Variants in LARP1B observed in about 807,000 individuals in gnomAD.
LARP1B encodes la-related protein 1B.
A neutral mutation model predicts 114.2 loss-of-function variants in LARP1B; 76 were observed. That is an observed-to-expected ratio of 0.67 (90% CI 0.55 to 0.81). The LOEUF (loss-of-function observed/expected upper bound fraction) is 0.81. Ranked by LOEUF, LARP1B falls within the 30% of genes least tolerant of loss-of-function variation. The pLI, the probability that LARP1B is intolerant of heterozygous loss-of-function variation, is 0.00. For missense variants in LARP1B, 1,014 were observed against 1,075.8 expected, an observed-to-expected ratio of 0.94 and a Z score of 0.80; for synonymous variants, 345 against 348.0, an observed-to-expected ratio of 0.99 and a Z score of 0.10.
chr4:128,173,840 A>C (rs1167177150), intron 12 of LARP1B, among the ~76,000 whole-genome samples: 1 of 152,170 alleles, frequency 6.6e-6, no homozygotes, highest in Non-Finnish European at 1.5e-5. Context: ...TAGATGTATA[A>C]AATTGTATAC....
chr4:128,121,354 G>A (rs1250673194), intron 10 of LARP1B, among the ~76,000 whole-genome samples: 1 of 152,168 alleles, frequency 6.6e-6, no homozygotes, highest in African/African-American at 2.4e-5. Context: ...TTTCGCTCTT[G>A]TCGCCCAGGC....
At chr4:128,156,187 A>G in intron 11 of LARP1B, 1 of 1,607,686 alleles carries the variant, frequency 6.2e-7, no homozygotes, top group East Asian at 2.2e-5. Context: ...TGGCTCTCCA[A>G]CCCTCCTCGC....
chr4:128,193,006 A>G (rs1366816274), intron 15 of LARP1B, among the ~76,000 whole-genome samples: 1 of 152,028 alleles, frequency 6.6e-6, no homozygotes, highest in Non-Finnish European at 1.5e-5. Context: ...AATTTTTAAA[A>G]AAATTTTTGT....
chr4:128,176,036 AT>A lies in LARP1B; in HGVS notation c.1649-831del, dbSNP rs1464295243. Reference sequence around the variant, plus strand: ...TTCACAAAGGTACTGGATTTAACACATTTTTCAGTATATGTTCATGTTTTTA... The same window carrying A: ...TTCACAAAGGTACTGGATTTAACACATTTTCAGTATATGTTCATGTTTTTA... On this transcript the variant is annotated intron_variant, in intron 12 of 19. Transcript: ENST00000326639. Among the ~76,000 whole-genome samples the A allele has an allele frequency of 2.0e-5, 3 of 149,184 alleles. No individual in the cohort carries two copies. The East Asian group carries it at 5.9e-4, about 29-fold the overall frequency.
intron 15 of LARP1B, among the ~76,000 whole-genome samples, chr4:128,196,654 G>C (rs1452256391): frequency 1.3e-5 from 2 of 151,786 alleles, no homozygotes; most frequent in African/African-American, 4.8e-5. Flanking sequence ...GAGTGCAGTG[G>C]TGCAATCTCG....
At chr4:128,061,608 C>T (rs1760133230) in intron 1 of LARP1B, 1 of 896,738 alleles carries the variant, frequency 1.1e-6, no homozygotes, top group African/African-American at 1.8e-5. Flanking sequence ...CCAGTTGGAG[C>T]CGGCCGGTGT....
chr4:128,196,916 CATT>C (rs1322415312), intron 15 of LARP1B, among the ~76,000 whole-genome samples: 1 of 152,086 alleles, frequency 6.6e-6, no homozygotes, highest in Non-Finnish European at 1.5e-5. Flanking sequence ...GCTTTGAAAA[CATT>C]ATGCTTAATG....
intron 12 of LARP1B, among the ~76,000 whole-genome samples, chr4:128,170,351 C>A (rs1743030705): frequency 6.6e-6 from 1 of 152,076 alleles, no homozygotes; most frequent in Non-Finnish European, 1.5e-5. Flanking sequence ...CTGTTCAATT[C>A]AGTTGGTTAA....
chr4:128,180,651 C>G (rs1748018908), intron 15 of LARP1B, among the ~76,000 whole-genome samples: 1 of 152,034 alleles, frequency 6.6e-6, no homozygotes, highest in African/African-American at 2.4e-5. Flanking sequence ...TTTAATTTAC[C>G]TAATGAAGGA....
rs764020198 is a variant in LARP1B, at chr4:128,210,374, TC to T, written c.*323del. On this transcript the variant is annotated 3_prime_UTR_variant, in exon 20 of 20. Transcript: ENST00000326639. ...AGCCATGGTTTTACAAAAACAGCAT[TC>T]CTTAAATATATTTAAAAAACAATAC... is the stretch of plus-strand genomic sequence containing the variant. The T allele has an allele frequency of 5.9e-4, 638 of 1,090,588 alleles. 1 individual carries two copies. The highest frequency in any genetic ancestry group is 1.7e-3 in the Admixed American group (36 of 21,542). 67.6% of individuals were successfully genotyped at this position (1,090,588 alleles called of 1,614,324 possible).
chr4:128,077,887 C>A lies in LARP1B; in HGVS notation c.142C>A (p.Arg48=), dbSNP rs373095381. ...KRSNSDSKEN[R]ETKLNGPGEN... Reference sequence around the variant, plus strand: ...AAGTAACAGTGACAGCAAAGAAAACCGGGAAACAAAATTAAATGGTCCTGG... The same window carrying A: ...AAGTAACAGTGACAGCAAAGAAAACAGGGAAACAAAATTAAATGGTCCTGG... The change falls in exon 4 of 20, where the codon CGG becomes AGG. Residue 48 remains arginine, a synonymous_variant. Coordinates refer to ENST00000326639, the MANE Select transcript of LARP1B (RefSeq NM_018078.4). 1 of 1,613,208 alleles carries A rather than the reference C, an allele frequency of 6.2e-7. No homozygotes were observed.
chr4:128,100,163 T>C (rs1779782572), intron 8 of LARP1B, among the ~76,000 whole-genome samples: 1 of 152,026 alleles, frequency 6.6e-6, no homozygotes, highest in African/African-American at 2.4e-5. Context: ...GATTTCACCA[T>C]GTTGGCCAGG....
intron 11 of LARP1B, chr4:128,155,343 T>G: frequency 1.9e-6 from 1 of 530,524 alleles, no homozygotes; most frequent in Non-Finnish European, 3.4e-6. Flanking sequence ...GGAAAGAGAG[T>G]CGGAAGCCAG....
At chr4:128,073,189 G>A (rs552853979) in intron 1 of LARP1B, among the ~76,000 whole-genome samples, 14 of 151,962 alleles carry the variant, frequency 9.2e-5, no homozygotes, top group South Asian at 6.2e-4. Flanking sequence ...CGAGGTGGGC[G>A]GATTACTTGA....
chr4:128,115,231 C>T (rs1041452027), intron 10 of LARP1B, among the ~76,000 whole-genome samples: 3 of 152,130 alleles, frequency 2.0e-5, no homozygotes, highest in South Asian at 2.1e-4. Flanking sequence ...CCACTGCACC[C>T]GGCCTTAAAG....
At chr4:128,212,911 T>TC (rs1480461637), downstream of LARP1B, among the ~76,000 whole-genome samples, 2 of 108,620 alleles carry the variant, frequency 1.8e-5, no homozygotes, top group African/African-American at 3.4e-5. Flanking sequence ...TAAATCTCTC[T>TC]CTTTTTTTTT....
At chr4:128,214,003 G>A (rs1175827934), downstream of LARP1B, among the ~76,000 whole-genome samples, 3 of 151,468 alleles carry the variant, frequency 2.0e-5, no homozygotes, top group South Asian at 2.1e-4. Flanking sequence ...AGCGCAAGGG[G>A]TCAGGGAGTT....
In LARP1B at chr4:128,122,438, G is replaced by GTTTTTT. The variant is rs377102754; in HGVS notation, c.1524+260_1524+265dup. ...TTAGTACTCACTGACTTATACCCTT[G>GTTTTTT]TTTTTTTTTTTTTTTGTTTTGTTTT... is the stretch of plus-strand genomic sequence containing the variant. On this transcript the variant is annotated intron_variant, in intron 11 of 19. Transcript: ENST00000326639. 71 of 1,189,480 alleles carry GTTTTTT rather than the reference G, an allele frequency of 6.0e-5. No homozygotes were observed. In the African/African-American group the frequency reaches 6.7e-4, roughly 11 times the overall value. 73.7% of individuals were successfully genotyped at this position (1,189,480 alleles called of 1,614,324 possible).
chr4:128,207,756 A>G (rs1456468896), intron 19 of LARP1B, among the ~76,000 whole-genome samples: 1 of 152,216 alleles, frequency 6.6e-6, no homozygotes, highest in East Asian at 1.9e-4. Flanking sequence ...ATGTGCTGAT[A>G]TGGATTTAGG....
Sources: gnomAD v4.1 joint callset for allele counts (sites outside exome capture counted in the v4.1 genomes callset) on GRCh38, gnomAD v4.1.1 for gene constraint, MANE v1.5 for transcripts, NCBI Gene and HGNC (gene_info 2026-07-23, HGNC 2026-07-21) for gene names.